The following FOXJ3 variants were observed in gnomAD, a reference collection of about 807,000 sequenced individuals.
FOXJ3 encodes forkhead box J3.
FOXJ3 carries 22 observed loss-of-function variants against 76.1 expected under a neutral mutation model. The observed-to-expected ratio is 0.29, with a 90% CI of 0.21 to 0.41. The LOEUF is 0.41. Ranked by LOEUF, FOXJ3 falls within the 10% of genes least tolerant of loss-of-function variation. FOXJ3 has a pLI of 1.00. For missense variants in FOXJ3, 613 were observed against 762.1 expected, an observed-to-expected ratio of 0.80 and a Z score of 2.30; for synonymous variants, 269 against 261.2, an observed-to-expected ratio of 1.03 and a Z score of -0.29.
chr1:42,289,233 A>G (rs1258899150), intron 2 of FOXJ3, among the ~76,000 whole-genome samples: 1 of 151,636 alleles, frequency 6.6e-6, no homozygotes, highest in East Asian at 1.9e-4. Flanking sequence ...ATATATAATT[A>G]TGTATGTGTG....
intron 7 of FOXJ3, among the ~76,000 whole-genome samples, chr1:42,197,709 C>T (rs774021407): frequency 2.0e-5 from 3 of 151,744 alleles, no homozygotes; most frequent in Admixed American, 6.6e-5. Context: ...ATAACAGTCT[C>T]GCTCTATCGC....
intron 2 of FOXJ3, among the ~76,000 whole-genome samples, chr1:42,305,743 G>C (rs1336755362): frequency 6.6e-6 from 1 of 152,170 alleles, no homozygotes; most frequent in Non-Finnish European, 1.5e-5. Flanking sequence ...GGGAGAGTGA[G>C]AATGGTTAAC....
At chr1:42,313,778 C>T (rs193288241) in intron 1 of FOXJ3, among the ~76,000 whole-genome samples, 8 of 152,194 alleles carry the variant, frequency 5.3e-5, no homozygotes, top group East Asian at 3.9e-4. Context: ...GTCATGGTTT[C>T]GTACACAGCA....
At chr1:42,197,732 G>A (rs1171150781) in intron 7 of FOXJ3, among the ~76,000 whole-genome samples, 1 of 151,494 alleles carries the variant, frequency 6.6e-6, no homozygotes, top group Non-Finnish European at 1.5e-5. Flanking sequence ...AGGCTGGAGT[G>A]GAGTGACGTG....
intron 5 of FOXJ3, among the ~76,000 whole-genome samples, chr1:42,214,977 T>C (rs1261631058): frequency 6.6e-6 from 1 of 152,220 alleles, no homozygotes; most frequent in Non-Finnish European, 1.5e-5. Context: ...AGAGAAAGCT[T>C]ACAGTGTAAC....
intron 2 of FOXJ3, among the ~76,000 whole-genome samples, chr1:42,303,275 C>T (rs1654268364): frequency 6.6e-6 from 1 of 152,130 alleles, no homozygotes; most frequent in Non-Finnish European, 1.5e-5. Flanking sequence ...AGTTTCCTCA[C>T]TTGTGAAGTA....
chr1:42,314,225 A>C (rs990084270), intron 1 of FOXJ3, among the ~76,000 whole-genome samples: 4 of 152,128 alleles, frequency 2.6e-5, no homozygotes, highest in Non-Finnish European at 5.9e-5. Context: ...TAACTTAACA[A>C]AAGAACTGAG....
intron 4 of FOXJ3, among the ~76,000 whole-genome samples, chr1:42,251,039 T>G (rs1418822422): frequency 6.6e-6 from 1 of 151,966 alleles, no homozygotes; most frequent in Non-Finnish European, 1.5e-5. Flanking sequence ...AAATAATAAC[T>G]GAAAATATCC....
rs1401115802 is a variant in FOXJ3, at chr1:42,195,050, T to C, written c.774A>G (p.Pro258=). The C allele has an allele frequency of 1.2e-6, 2 of 1,603,598 alleles. No homozygotes were observed. Among genetic ancestry groups the C allele is most frequent in the Admixed American group, 1.7e-5 (1 of 57,512 alleles). The change falls in exon 8 of 13, where the codon CCA becomes CCG. Residue 258 remains proline (P), a synonymous_variant. Coordinates refer to ENST00000361346, the MANE Select transcript of FOXJ3 (RefSeq NM_014947.5). ...VHSYTPVTSH[P]ESVSQSLTPQ... ...GAGTTAATGATTGAGAGACTGATTC[T>C]GGATGGCTTGTCACCTAACATTAAA...
At chr1:42,214,026 T>C (rs1647018274) in intron 5 of FOXJ3, among the ~76,000 whole-genome samples, 1 of 152,156 alleles carries the variant, frequency 6.6e-6, no homozygotes, top group African/African-American at 2.4e-5. Flanking sequence ...CCCATAAATA[T>C]ATACAATTAT....
chr1:42,266,606 G>A lies in FOXJ3; in HGVS notation c.370-1417C>T, dbSNP rs556365902. Among the ~76,000 whole-genome samples, 40 of 152,162 alleles carry A rather than the reference G, an allele frequency of 2.6e-4. 1 individual carries two copies. The highest frequency in any genetic ancestry group is 8.9e-4 in the African/African-American group (37 of 41,534). On this transcript the variant is annotated intron_variant, in intron 3 of 12. Coordinates refer to ENST00000361346, the MANE Select transcript of FOXJ3 (RefSeq NM_014947.5). The stretch of plus-strand genomic sequence containing the variant: ...TTAGAGCAACAAGAACCCCAGACAC[G>A]AGAAGTTCCCACACACTCTTAAGCT...
intron 1 of FOXJ3, among the ~76,000 whole-genome samples, chr1:42,334,470 A>G (rs191431491): frequency 6.6e-6 from 1 of 152,164 alleles, no homozygotes; most frequent in Non-Finnish European, 1.5e-5. Flanking sequence ...CACACACAGG[A>G]CAGCAACACG....
chr1:42,301,505 G>A (rs1289642000), intron 2 of FOXJ3, among the ~76,000 whole-genome samples: 1 of 151,916 alleles, frequency 6.6e-6, no homozygotes, highest in African/African-American at 2.4e-5. Flanking sequence ...ACCGGACTTC[G>A]TTCACTTATT....
At chr1:42,286,822 C>T (rs1373890766) in intron 2 of FOXJ3, among the ~76,000 whole-genome samples, 1 of 151,402 alleles carries the variant, frequency 6.6e-6, no homozygotes, top group East Asian at 2.0e-4. Context: ...CTAGTAGAGA[C>T]GGGGTTTCAC....
chr1:42,323,727 AG>A, intron 1 of FOXJ3: 1 of 972,988 alleles, frequency 1.0e-6, no homozygotes, highest in Non-Finnish European at 1.2e-6. Flanking sequence ...TTGCATGCAC[AG>A]GTACTCAAGA....
intron 3 of FOXJ3, among the ~76,000 whole-genome samples, chr1:42,273,674 CAAAAAAAAA>C (rs35528514): frequency 1.2e-5 from 1 of 86,370 alleles, no homozygotes; most frequent in Non-Finnish European, 2.1e-5. Context: ...CACTCCATCT[CAAAAAAAAA>C]AAAAAAAAAA....
intron 4 of FOXJ3, among the ~76,000 whole-genome samples, chr1:42,264,217 A>G (rs1651298919): frequency 6.6e-6 from 1 of 152,140 alleles, no homozygotes; most frequent in African/African-American, 2.4e-5. Context: ...CCATATGAAT[A>G]GCATGTTTGG....
In FOXJ3 at chr1:42,302,527, A is replaced by G. The variant is rs529415904; in HGVS notation, c.44+8523T>C. The stretch of plus-strand genomic sequence containing the variant: ...GGGGGCAGGGGAGAGCTGGGGTCCA[A>G]TGGGCAACCACCAGTTACCCAGAGG... On this transcript the variant is annotated intron_variant, in intron 2 of 12. Coordinates refer to ENST00000361346, the MANE Select transcript of FOXJ3 (RefSeq NM_014947.5). Among the ~76,000 whole-genome samples, 630 of 152,306 alleles carry G rather than the reference A, an allele frequency of 4.1e-3. 3 individuals carry two copies. Among genetic ancestry groups the G allele is most frequent in the African/African-American group, 0.014 (587 of 41,572 alleles).
intron 9 of FOXJ3, among the ~76,000 whole-genome samples, chr1:42,190,732 T>TTTG (rs749236702): frequency 3.3e-5 from 5 of 152,124 alleles, no homozygotes; most frequent in African/African-American, 9.7e-5. Context: ...CCATGACTAA[T>TTTG]TTGTTGTTGT....
Sources: gnomAD v4.1 joint callset for allele counts (sites outside exome capture counted in the v4.1 genomes callset) on GRCh38, gnomAD v4.1.1 for gene constraint, MANE v1.5 for transcripts, NCBI Gene and HGNC (gene_info 2026-07-23, HGNC 2026-07-21) for gene names.